Variants in POLN observed in about 807,000 individuals in gnomAD.
POLN encodes DNA polymerase nu, also known as DNA polymerase N.
POLN carries 108 observed loss-of-function variants against 113.5 expected under a neutral mutation model. That is an observed-to-expected ratio of 0.95 (90% confidence interval 0.81 to 1.12). POLN has a LOEUF of 1.12. POLN is among the 50% of genes most tolerant of loss of function. The pLI is 0.00. For missense variants in POLN, 1,097 were observed against 1,077.1 expected (o/e 1.02, Z -0.26); for synonymous variants, 386 against 391.5 (o/e 0.99, Z 0.17).
At chr4:2,147,221 G>A (rs1479340904) in intron 16 of POLN, among the ~76,000 whole-genome samples, 6 of 152,192 alleles carry the variant, frequency 3.9e-5, no homozygotes, top group African/African-American at 1.2e-4. Context: ...GTAGTGAAAT[G>A]AGGACATTGA....
At chr4:2,086,222 C>T (rs1243322117) in intron 20 of POLN, among the ~76,000 whole-genome samples, 1 of 152,210 alleles carries the variant, frequency 6.6e-6, no homozygotes, top group African/African-American at 2.4e-5. Context: ...TGTCTATAAT[C>T]CCAGCACTTT....
intron 16 of POLN, among the ~76,000 whole-genome samples, chr4:2,145,347 T>C (rs1732109795): frequency 6.6e-6 from 1 of 151,900 alleles, no homozygotes; most frequent in Non-Finnish European, 1.5e-5. Context: ...ATCAAAGACA[T>C]AGAATCCAAT....
At chr4:2,170,070 C>T (rs1021349731) in intron 13 of POLN, among the ~76,000 whole-genome samples, 28 of 152,174 alleles carry the variant, frequency 1.8e-4, no homozygotes, top group Admixed American at 1.7e-3. Context: ...GTTACAAAGT[C>T]GAATGCTGGA....
intron 8 of POLN, 102 bp from the exon 9 acceptor site, chr4:2,176,436 T>A (rs1732997978): frequency 1.1e-6 from 1 of 889,320 alleles, no homozygotes; most frequent in Non-Finnish European, 1.7e-6. Context: ...CCTAGTAAAA[T>A]CCCATGAGGT....
intron 11 of POLN, among the ~76,000 whole-genome samples, chr4:2,172,878 C>T (rs138167336): frequency 3.5e-4 from 54 of 152,292 alleles, no homozygotes; most frequent in African/African-American, 1.1e-3. Flanking sequence ...TGGTTTGTAA[C>T]GACTGCCACT....
chr4:2,110,659 C>T (rs751026631), intron 19 of POLN, among the ~76,000 whole-genome samples: 1 of 152,048 alleles, frequency 6.6e-6, no homozygotes, highest in Non-Finnish European at 1.5e-5. Flanking sequence ...ATAAATTCCT[C>T]GACACATACA....
intron 6 of POLN, among the ~76,000 whole-genome samples, chr4:2,193,654 G>A (rs956916292): frequency 1.1e-4 from 17 of 152,100 alleles, no homozygotes; most frequent in African/African-American, 1.9e-4. Context: ...TCTCTAGCCC[G>A]TTCTCCCAGA....
In POLN at chr4:2,242,051, C is replaced by G. The variant is rs903549993; in HGVS notation, c.-284G>C. The G allele has an allele frequency of 1.0e-6, 1 of 985,644 alleles. No individual in the cohort carries two copies. Among genetic ancestry groups the G allele is most frequent in the Non-Finnish European group, 1.2e-6 (1 of 830,158 alleles). 61.1% of individuals were successfully genotyped at this position (985,644 alleles called of 1,614,324 possible). ...CAGAACCGAGGCCCGCGTCAGTCAC[C>G]TCAGGAAGTTCCGCTTGCTTCTCGC... On this transcript the variant is annotated splice_region_variant and 5_prime_UTR_variant, in exon 1 of 26. Coordinates refer to ENST00000511885, the MANE Select transcript of POLN (RefSeq NM_181808.4).
intron 19 of POLN, among the ~76,000 whole-genome samples, chr4:2,105,523 G>A (rs1355651430): frequency 6.6e-6 from 1 of 152,014 alleles, no homozygotes; most frequent in Non-Finnish European, 1.5e-5. Context: ...ATCAGGAGAG[G>A]GATTATCATC....
chr4:2,147,510 T>G (rs1407627102), intron 16 of POLN, among the ~76,000 whole-genome samples: 1 of 151,882 alleles, frequency 6.6e-6, no homozygotes, highest in Non-Finnish European at 1.5e-5. Context: ...GTGAAGAGGG[T>G]GACAGTCCAG....
rs1205338722 is a variant in POLN at position 2,090,224 on chromosome 4, C to A, written c.2066-4480G>T. On this transcript the variant is annotated intron_variant, in intron 20 of 25. Coordinates refer to ENST00000511885, the MANE Select transcript of POLN (RefSeq NM_181808.4). ...TTCCTGTAGATACTCTTCCCTCATTCTTGTCCTTCAAATTCTACATGCTAT... is the reference window on the plus strand; with the variant it reads ...TTCCTGTAGATACTCTTCCCTCATTATTGTCCTTCAAATTCTACATGCTAT... 8.6e-6 allele frequency: 7 copies of A among 813,662 alleles called. No homozygotes were observed. The East Asian group carries it at 1.7e-4, about 20-fold the overall frequency. 50.4% of individuals were successfully genotyped at this position (813,662 alleles called of 1,614,324 possible).
intron 19 of POLN, among the ~76,000 whole-genome samples, chr4:2,125,626 T>G (rs1186026521): frequency 6.6e-6 from 1 of 152,096 alleles, no homozygotes; most frequent in African/African-American, 2.4e-5. Flanking sequence ...CACTCAGGGC[T>G]GGAAACCAGA....
Position 2,179,582 on chromosome 4 carries a change from T to C in POLN, c.1022-117A>G, listed in dbSNP as rs780047600. 1.1e-5 allele frequency: 12 copies of C among 1,066,344 alleles called. 1 individual carries two copies. Among genetic ancestry groups the C allele is most frequent in the Middle Eastern group, 2.0e-4 (1 of 4,946 alleles). The allele number at this position is 1,066,344 out of a possible 1,614,324, so 66.1% of individuals were successfully genotyped here. A position where few individuals can be genotyped will look rare whatever the true frequency, so the allele number is the denominator to read the frequency against. ...GTAGTATTGTCATCCTCTCAAATTA[T>C]AGACCTAAGGACCAAAGTGACTTTC... On this transcript the variant is annotated intron_variant, in intron 7 of 25. Transcript: ENST00000511885.
At chr4:2,190,919 G>C (rs1216636601) in intron 7 of POLN, among the ~76,000 whole-genome samples, 4 of 152,132 alleles carry the variant, frequency 2.6e-5, no homozygotes, top group Non-Finnish European at 5.9e-5. Flanking sequence ...ATACACTATT[G>C]GTAGGAAAGT....
intron 5 of POLN, among the ~76,000 whole-genome samples, chr4:2,201,613 T>C (rs541710304): frequency 6.6e-6 from 1 of 152,072 alleles, no homozygotes; most frequent in Admixed American, 6.6e-5. Flanking sequence ...TCTAAAAAAT[T>C]TGGAAAACAT....
chr4:2,120,121 A>G (rs1451852868), intron 19 of POLN, among the ~76,000 whole-genome samples: 2 of 152,156 alleles, frequency 1.3e-5, no homozygotes, highest in African/African-American at 4.8e-5. Context: ...GAAGGTGCCT[A>G]TCCTTCTGTC....
intron 13 of POLN, among the ~76,000 whole-genome samples, chr4:2,159,611 G>C (rs1223161452): frequency 1.3e-5 from 2 of 152,188 alleles, no homozygotes; most frequent in Admixed American, 6.5e-5. Context: ...CTATAGGAAA[G>C]TGCAAGAGAG....
At chr4:2,236,584 T>G in intron 2 of POLN, 1 of 667,448 alleles carries the variant, frequency 1.5e-6, no homozygotes, top group Non-Finnish European at 2.6e-6. Flanking sequence ...ATTGGCCGGG[T>G]ACAGTAGCTC....
intron 19 of POLN, among the ~76,000 whole-genome samples, chr4:2,110,761 C>A (rs1731173615): frequency 6.6e-6 from 1 of 151,962 alleles, no homozygotes; most frequent in Non-Finnish European, 1.5e-5. Context: ...GCTTACCAAC[C>A]AAAAAAAGTC....
Sources: gnomAD v4.1 joint callset for allele counts (sites outside exome capture counted in the v4.1 genomes callset) on GRCh38, gnomAD v4.1.1 for gene constraint, MANE v1.5 for transcripts, NCBI Gene and HGNC (gene_info 2026-07-23, HGNC 2026-07-21) for gene names.